FARS2: variants seen among roughly 807,000 people sequenced by gnomAD.
FARS2 encodes phenylalanyl-tRNA synthetase 2, mitochondrial.
FARS2 carries 40 observed loss-of-function variants against 46.4 expected under a neutral mutation model. The observed-to-expected ratio is 0.86, with a 90% confidence interval of 0.67 to 1.12. The LOEUF is 1.12. Among genes scored for constraint, FARS2 ranks in the 50% most tolerant of loss-of-function variants. The probability of loss-of-function intolerance (pLI) is 0.00; values close to 1 mark genes in which losing one functional copy is unlikely to be tolerated. For synonymous variants in FARS2, 234 were observed against 214.9 expected (o/e 1.09, Z -0.78); for missense variants, 513 against 567.9 (o/e 0.90, Z 0.98).
intron 4 of FARS2, among the ~76,000 whole-genome samples, chr6:5,480,427 G>T (rs1289674971): frequency 1.3e-5 from 2 of 152,296 alleles, no homozygotes; most frequent in Non-Finnish European, 2.9e-5. Flanking sequence ...TAAGAACATG[G>T]CGCAGAACGC....
At chr6:5,524,395 C>A (rs566690326) in intron 4 of FARS2, among the ~76,000 whole-genome samples, 1 of 152,256 alleles carries the variant, frequency 6.6e-6, no homozygotes, top group East Asian at 1.9e-4. Context: ...ATCCTAGAAT[C>A]CCTAAGCAGA....
intron 6 of FARS2, among the ~76,000 whole-genome samples, chr6:5,692,461 C>T (rs1365407020): frequency 1.3e-5 from 2 of 152,142 alleles, no homozygotes; most frequent in South Asian, 2.1e-4. Context: ...TTCCCTTTCC[C>T]GTCCATCAAA....
chr6:5,407,057 AT>A lies in FARS2; in HGVS notation c.772+2357del, dbSNP rs1562017886. Among the ~76,000 whole-genome samples, 15 of 139,186 alleles carry A rather than the reference AT, an allele frequency of 1.1e-4. 1 individual carries two copies. Among genetic ancestry groups the A allele is most frequent in the East Asian group, 2.2e-4 (1 of 4,520 alleles). 91.3% of individuals were successfully genotyped at this position (139,186 alleles called of 152,430 possible). On this transcript the variant is annotated intron_variant, in intron 3 of 6. Transcript: ENST00000274680. ...AAGGTGGCAAATTATATATATATAT[AT>A]ATATATATAATGACCAATAAATATA...
chr6:5,713,722 G>A (rs572447868), intron 6 of FARS2, among the ~76,000 whole-genome samples: 2 of 152,360 alleles, frequency 1.3e-5, no homozygotes, highest in Admixed American at 1.3e-4. Flanking sequence ...AGCTTTCAAA[G>A]GGGCTTTTGC....
At chr6:5,323,030 G>A (rs1046257710) in intron 1 of FARS2, among the ~76,000 whole-genome samples, 1 of 152,052 alleles carries the variant, frequency 6.6e-6, no homozygotes, top group Non-Finnish European at 1.5e-5. Context: ...AGCAACTAAT[G>A]CATTATTACT....
At chr6:5,605,888 A>G (rs1212539292) in intron 5 of FARS2, among the ~76,000 whole-genome samples, 1 of 152,244 alleles carries the variant, frequency 6.6e-6, no homozygotes. Flanking sequence ...AGAATCTCAG[A>G]AATGAGTGAT....
intron 4 of FARS2, among the ~76,000 whole-genome samples, chr6:5,472,092 C>G (rs58808190): frequency 6.6e-6 from 1 of 152,140 alleles, no homozygotes; most frequent in Non-Finnish European, 1.5e-5. Context: ...TGCTCAGCCC[C>G]CTCCGACCTC....
intron 4 of FARS2, chr6:5,458,203 T>A (rs1008952104): frequency 6.6e-6 from 1 of 152,462 alleles, no homozygotes; most frequent in Non-Finnish European, 1.5e-5. Context: ...CTAGGTTTAG[T>A]CCTGTGTAAT....
intron 3 of FARS2, among the ~76,000 whole-genome samples, chr6:5,421,562 T>C (rs1174181577): frequency 6.6e-6 from 1 of 152,238 alleles, no homozygotes; most frequent in Non-Finnish European, 1.5e-5. Flanking sequence ...GCTTTCCTTA[T>C]AAAGCCAAAT....
chr6:5,492,638 A>G (rs188551846), intron 4 of FARS2, among the ~76,000 whole-genome samples: 2 of 152,346 alleles, frequency 1.3e-5, no homozygotes, highest in African/African-American at 4.8e-5. Flanking sequence ...CATATTTTCT[A>G]TGAACTTTAT....
intron 6 of FARS2, among the ~76,000 whole-genome samples, chr6:5,760,970 T>C (rs1419662912): frequency 6.6e-6 from 1 of 152,200 alleles, no homozygotes; most frequent in African/African-American, 2.4e-5. Context: ...TCTGAAGAGG[T>C]CCCTATTGGG....
intron 5 of FARS2, among the ~76,000 whole-genome samples, chr6:5,578,839 A>AGC: frequency 6.6e-6 from 1 of 151,340 alleles, no homozygotes; most frequent in East Asian, 1.9e-4. Flanking sequence ...AAAAACAAAA[A>AGC]AAAAAGAAAA....
chr6:5,384,722 C>A (rs540487252), intron 2 of FARS2, among the ~76,000 whole-genome samples: 1 of 152,146 alleles, frequency 6.6e-6, no homozygotes, highest in African/African-American at 2.4e-5. Context: ...ATAGGAGGAA[C>A]CTGTCTGTTT....
intron 1 of FARS2, among the ~76,000 whole-genome samples, chr6:5,301,523 A>G (rs900783497): frequency 6.6e-6 from 1 of 152,150 alleles, no homozygotes; most frequent in African/African-American, 2.4e-5. Flanking sequence ...GTTTTGCAGA[A>G]GGTGTTCTGC....
At chr6:5,368,395 T>C (rs1157047518) in intron 1 of FARS2, among the ~76,000 whole-genome samples, 155 bp from the exon 2 acceptor site, 1 of 152,190 alleles carries the variant, frequency 6.6e-6, no homozygotes, top group African/African-American at 2.4e-5. Flanking sequence ...CACATGTCTG[T>C]CAGATTTCTT....
chr6:5,564,364 C>A (rs1041910933), intron 5 of FARS2, among the ~76,000 whole-genome samples: 8 of 152,184 alleles, frequency 5.3e-5, no homozygotes, highest in African/African-American at 1.9e-4. Context: ...GCAGAATTTG[C>A]AAGATAATTG....
intron 1 of FARS2, among the ~76,000 whole-genome samples, chr6:5,276,171 A>C (rs1458726633): frequency 6.6e-6 from 1 of 152,204 alleles, no homozygotes; most frequent in Non-Finnish European, 1.5e-5. Context: ...TTTTAGTTTC[A>C]GCATGCTGTA....
At chr6:5,534,454 A>G (rs374266480) in intron 4 of FARS2, among the ~76,000 whole-genome samples, 1 of 152,154 alleles carries the variant, frequency 6.6e-6, no homozygotes, top group African/African-American at 2.4e-5. Context: ...TGCTCCCTCC[A>G]GTGCCTAGTA....
chr6:5,452,416 C>G (rs1422966812), intron 4 of FARS2: 1 of 152,516 alleles, frequency 6.6e-6, no homozygotes, highest in African/African-American at 2.4e-5. Context: ...TTCTCTCCCA[C>G]TCTTGCCCGT....
Sources: allele counts gnomAD v4.1 joint callset (sites outside exome capture counted in the v4.1 genomes callset), GRCh38; gene constraint gnomAD v4.1.1; transcripts MANE v1.5; gene names NCBI Gene and HGNC (gene_info 2026-07-23, HGNC 2026-07-21).